Variants in MTRFR observed in about 807,000 individuals in gnomAD.
MTRFR encodes the protein probable peptide chain release factor C12orf65, mitochondrial.
Under a neutral mutation model 11.9 loss-of-function variants are expected in MTRFR, and 10 were observed. That is an observed-to-expected ratio of 0.84 (90% CI 0.52 to 1.42). The LOEUF (loss-of-function observed/expected upper bound fraction) is 1.42. Among genes scored for constraint, MTRFR ranks in the 40% most tolerant of loss-of-function variants. The probability of loss-of-function intolerance (pLI) is 0.00; values close to 1 mark genes in which losing one functional copy is unlikely to be tolerated. For synonymous variants in MTRFR, 77 were observed against 79.1 expected (o/e 0.97, Z 0.14); for missense variants, 196 against 197.9 (o/e 0.99, Z 0.06).
chr12:123,248,007 ACTTTAG>A (rs1409241990), intron 1 of MTRFR, among the ~76,000 whole-genome samples: 1 of 151,404 alleles, frequency 6.6e-6, no homozygotes, highest in Non-Finnish European at 1.5e-5. Context: ...TTGCCTGTGT[ACTTTAG>A]GGGTTTTTTG....
At chr12:123,235,032 A>G (rs2047820822) in intron 1 of MTRFR, among the ~76,000 whole-genome samples, 1 of 152,244 alleles carries the variant, frequency 6.6e-6, no homozygotes, top group Admixed American at 6.5e-5. Context: ...CTCTAAAACA[A>G]AGGCCGATGA....
intron 1 of MTRFR, among the ~76,000 whole-genome samples, chr12:123,247,966 T>C (rs1202383108): frequency 6.6e-6 from 1 of 151,864 alleles, no homozygotes; most frequent in African/African-American, 2.4e-5. Context: ...GAAAGAAATG[T>C]GAGGTACCAT....
chr12:123,253,069 A>ATTTTTTTTT (rs1565997436), intron 1 of MTRFR, among the ~76,000 whole-genome samples: 2 of 42,818 alleles, frequency 4.7e-5, no homozygotes, highest in South Asian at 8.0e-4. Context: ...CGTTCCTTTG[A>ATTTTTTTTT]ATTTTTTTTT....
At chr12:123,252,778 A>G (rs1320043466) in intron 1 of MTRFR, among the ~76,000 whole-genome samples, 1 of 151,976 alleles carries the variant, frequency 6.6e-6, no homozygotes, top group East Asian at 1.9e-4. Flanking sequence ...TACAAAAATT[A>G]GCCGGGTGTG....
rs560765656 is a variant in MTRFR at position 123,236,866 on chromosome 12, CTGAGG to C, written c.-29+3337_-29+3341del. On this transcript the variant is annotated intron_variant, in intron 1 of 2. Transcript: ENST00000253233. ...TGAGAGGCCGAGGCGGGCGGATCGC[CTGAGG>C]TCAGGAGTTCAACACCAGCCTGAGA... is the stretch of plus-strand genomic sequence containing the variant. Among the ~76,000 whole-genome samples, 720 of 152,168 alleles carry C rather than the reference CTGAGG, an allele frequency of 4.7e-3. 8 individuals carry two copies. The highest frequency in any genetic ancestry group is 0.021 in the Middle Eastern group (6 of 292).
At chr12:123,233,875 G>A (rs1301966921) in intron 1 of MTRFR, 1 of 152,492 alleles carries the variant, frequency 6.6e-6, no homozygotes. Context: ...GAGCGGAATG[G>A]AGCTGTGAGC....
chr12:123,237,425 G>T (rs2047869041), intron 1 of MTRFR, among the ~76,000 whole-genome samples: 1 of 152,158 alleles, frequency 6.6e-6, no homozygotes, highest in African/African-American at 2.4e-5. Context: ...CGAAACTCCG[G>T]CTCAAAAATA....
Position 123,257,177 on chromosome 12 carries a change from G to T in MTRFR, c.*146G>T. The T allele has an allele frequency of 4.1e-6, 3 of 725,166 alleles. No homozygotes were observed. Among genetic ancestry groups the T allele is most frequent in the Non-Finnish European group, 4.8e-6 (2 of 417,354 alleles). The allele number at this position is 725,166 out of a possible 1,614,324, so 44.9% of individuals were successfully genotyped here. On this transcript the variant is annotated 3_prime_UTR_variant, in exon 3 of 3. Transcript: ENST00000253233. ...AAGACAACAAATTTATTTAAATGGT[G>T]CACTAAACTGTAGTGAACAGAGACA...
intron 1 of MTRFR, among the ~76,000 whole-genome samples, chr12:123,238,111 G>A (rs1236076057): frequency 6.6e-6 from 1 of 152,012 alleles, no homozygotes; most frequent in Non-Finnish European, 1.5e-5. Flanking sequence ...GCCCAGGCTG[G>A]TCTGGAACTC....
chr12:123,240,513 T>A (rs1180874643), intron 1 of MTRFR: 2 of 151,466 alleles, frequency 1.3e-5, no homozygotes, highest in Non-Finnish European at 2.9e-5. Flanking sequence ...ACTGTTTCAG[T>A]TAGTCTCCGC....
At position 123,257,243 on chromosome 12, in the gene MTRFR, G is replaced by A. The variant is rs1189843224; in HGVS notation, c.*212G>A. 3.8e-5 allele frequency: 20 copies of A among 528,946 alleles called. No homozygotes were observed. The highest frequency in any genetic ancestry group is 1.0e-4 in the East Asian group (3 of 29,826). 32.8% of individuals were successfully genotyped at this position (528,946 alleles called of 1,614,324 possible). A position where few individuals can be genotyped will look rare whatever the true frequency, so the allele number is the denominator to read the frequency against. The stretch of plus-strand genomic sequence containing the variant: ...TAAAACTCGGCTGGGCACGGTGGAC[G>A]GTGCCTCACATCTGTAATCCCAGCA... On this transcript the variant is annotated 3_prime_UTR_variant, in exon 3 of 3. Coordinates refer to ENST00000253233, the MANE Select transcript of MTRFR (RefSeq NM_152269.5).
rs542055380 is a variant in MTRFR at position 123,255,914 on chromosome 12, C to A, written c.283-899C>A. ...GTGCTAGGATTACAGGCATGAGCCA[C>A]CACGTCCGGCCATCCAATCTTTACA... is the stretch of plus-strand genomic sequence containing the variant. On this transcript the variant is annotated intron_variant, in intron 2 of 2. Transcript: ENST00000253233. Among the ~76,000 whole-genome samples, 13 of 152,292 alleles carry A rather than the reference C, an allele frequency of 8.5e-5. No homozygotes were observed. In the South Asian group the frequency reaches 1.7e-3, roughly 19 times the overall value.
chr12:123,238,235 T>C (rs751666365), intron 1 of MTRFR, among the ~76,000 whole-genome samples: 2 of 152,076 alleles, frequency 1.3e-5, no homozygotes, highest in Non-Finnish European at 2.9e-5. Flanking sequence ...TATTAAGCAT[T>C]TGTCAGAAAA....
At chr12:123,239,879 T>G (rs766810996) in intron 1 of MTRFR, among the ~76,000 whole-genome samples, 1 of 152,174 alleles carries the variant, frequency 6.6e-6, no homozygotes, top group Non-Finnish European at 1.5e-5. Flanking sequence ...ACGATTTCCT[T>G]GCCCTCCCAT....
upstream of MTRFR, chr12:123,233,111 C>A (rs1228769022): frequency 6.6e-6 from 1 of 150,878 alleles, no homozygotes; most frequent in Non-Finnish European, 1.5e-5. Flanking sequence ...CAGGGTCATG[C>A]AAGCGGCCTC....
Position 123,240,725 on chromosome 12 carries a change from A to C in MTRFR, c.-29+7194A>C, listed in dbSNP as rs1481227665. On this transcript the variant is annotated intron_variant, in intron 1 of 2. Transcript: ENST00000253233. ...AGATTAAATATCCTTTATTTTATTG[A>C]CCTTTTTTTTTTTTTTTTTTTTTTT... 19 of 109,104 alleles carry C rather than the reference A, an allele frequency of 1.7e-4. No homozygotes were observed. In the South Asian group the frequency reaches 4.0e-3, roughly 23 times the overall value. The allele number at this position is 109,104 out of a possible 1,614,324, so 6.8% of individuals were successfully genotyped here.
Position 123,253,807 on chromosome 12 carries a change from G to A in MTRFR, c.133G>A (p.Gly45Ser). ...AGCTGTCACTCCGGTCCAGATGGCA[G>A]GCAAGAAGGACTACCCTGCACTGCT... Reference protein sequence around the residue: ...GIAVTPVQMAGKKDYPALLSL... With the variant: ...GIAVTPVQMASKKDYPALLSL... Residue 45 changes from glycine to serine, a missense_variant, in exon 2 of 3, where the codon GGC becomes AGC. Gly to Ser is a moderately conservative substitution (Grantham distance 56). Coordinates refer to ENST00000253233, the MANE Select transcript of MTRFR (RefSeq NM_152269.5). 2 of 1,614,220 alleles carry A rather than the reference G, an allele frequency of 1.2e-6. No homozygotes were observed. Among genetic ancestry groups the A allele is most frequent in the Non-Finnish European group, 1.7e-6 (2 of 1,180,036 alleles).
At chr12:123,247,214 T>C (rs749566421) in intron 1 of MTRFR, among the ~76,000 whole-genome samples, 62 of 152,158 alleles carry the variant, frequency 4.1e-4, no homozygotes, top group Non-Finnish European at 8.2e-4. Context: ...TGTTGACTTT[T>C]CGTTTTGATG....
chr12:123,243,134 CAAAA>C (rs1458455898), intron 1 of MTRFR, among the ~76,000 whole-genome samples: 9 of 152,118 alleles, frequency 5.9e-5, no homozygotes, highest in African/African-American at 2.2e-4. Context: ...ACACATTAAA[CAAAA>C]CCAGTTTTTA....
Sources: gnomAD v4.1 joint callset for allele counts (sites outside exome capture counted in the v4.1 genomes callset) on GRCh38, gnomAD v4.1.1 for gene constraint, MANE v1.5 for transcripts, NCBI Gene and HGNC (gene_info 2026-07-23, HGNC 2026-07-21) for gene names.